Variants in TCEA1 observed in about 807,000 individuals in gnomAD.
TCEA1 encodes transcription elongation factor A protein 1.
TCEA1 carries 21 observed loss-of-function variants against 43.8 expected under a neutral mutation model. That is an observed-to-expected ratio of 0.48 (90% CI 0.34 to 0.69). The LOEUF (loss-of-function observed/expected upper bound fraction) is 0.69. TCEA1 is among the 30% of genes least tolerant of loss of function. The pLI is 0.01. For synonymous variants in TCEA1, 104 were observed against 117.5 expected, an observed-to-expected ratio of 0.88 and a Z score of 0.75; for missense variants, 250 against 365.1, an observed-to-expected ratio of 0.68 and a Z score of 2.57.
chr8:53,985,947 G>C (rs1415433501), intron 6 of TCEA1, among the ~76,000 whole-genome samples: 1 of 152,100 alleles, frequency 6.6e-6, no homozygotes, highest in Non-Finnish European at 1.5e-5. Flanking sequence ...CATCAATACT[G>C]TACTTTCCTT....
At chr8:53,973,590 G>A in intron 8 of TCEA1, 1 of 562,342 alleles carries the variant, frequency 1.8e-6, no homozygotes, top group South Asian at 1.5e-5. Flanking sequence ...CTTACTGGAT[G>A]AGGAGGAGGA....
At chr8:54,010,549 C>A in intron 1 of TCEA1, 57 bp from the exon 2 acceptor site, 1 of 1,394,760 alleles carries the variant, frequency 7.2e-7, no homozygotes, top group South Asian at 1.3e-5. Flanking sequence ...AGGGACTAGC[C>A]AGAAATAAGG....
At chr8:53,972,653 A>C in intron 8 of TCEA1, 1 of 617,592 alleles carries the variant, frequency 1.6e-6, no homozygotes, top group Non-Finnish European at 3.1e-6. Flanking sequence ...AGGAAGAGCA[A>C]GTTTGAGGAT....
At chr8:54,018,497 G>T (rs564201189) in intron 1 of TCEA1, among the ~76,000 whole-genome samples, 1 of 152,212 alleles carries the variant, frequency 6.6e-6, no homozygotes, top group South Asian at 2.1e-4. Flanking sequence ...ACCATGACGA[G>T]AAACATTTTA....
chr8:53,975,843 A>G (rs1015676632), intron 8 of TCEA1, among the ~76,000 whole-genome samples: 1 of 152,200 alleles, frequency 6.6e-6, no homozygotes, highest in Non-Finnish European at 1.5e-5. Context: ...ACTACTGAAC[A>G]GTACACTTAA....
intron 4 of TCEA1, among the ~76,000 whole-genome samples, chr8:53,991,319 G>GAAGGTGGA (rs1351579629): frequency 6.6e-6 from 1 of 151,952 alleles, no homozygotes; most frequent in Admixed American, 6.6e-5. Context: ...CTTGAACCTG[G>GAAGGTGGA]GGGACAGAGG....
intron 4 of TCEA1, among the ~76,000 whole-genome samples, chr8:53,990,309 C>T (rs772476817): frequency 1.7e-4 from 26 of 151,328 alleles, no homozygotes; most frequent in African/African-American, 3.6e-4. Flanking sequence ...TCCGCCTCGG[C>T]GTCCTAAAGT....
chr8:54,021,255 G>C (rs1805017369), intron 1 of TCEA1, among the ~76,000 whole-genome samples: 1 of 152,086 alleles, frequency 6.6e-6, no homozygotes, highest in Non-Finnish European at 1.5e-5. Flanking sequence ...CACACAAATG[G>C]GCAAGCTGTA....
At position 53,988,171 on chromosome 8, in the gene TCEA1, A is replaced by T. The variant is rs780873013; in HGVS notation, c.409T>A (p.Ser137Thr). The change falls in exon 5 of 10, where the codon TCT (serine) becomes ACT (threonine). Residue 137 changes from serine to threonine, a missense_variant. By Grantham distance (58) the Ser-to-Thr change is moderately conservative. Transcript: ENST00000521604. ...CTACACTTCAACCGCACAGAATCAG[A>T]AGTGCTTGGTGCCCGAGGAAAGGAT... ...VSSFPRAPST[S>T]DSVRLKCREM... 5 of 1,613,032 alleles carry T rather than the reference A, an allele frequency of 3.1e-6. No homozygotes were observed. Among genetic ancestry groups the T allele is most frequent in the Non-Finnish European group, 4.2e-6 (5 of 1,179,538 alleles).
At chr8:53,970,563 G>T in intron 8 of TCEA1, 100 bp from the exon 9 acceptor site, 1 of 612,168 alleles carries the variant, frequency 1.6e-6, no homozygotes, top group Non-Finnish European at 2.8e-6. Flanking sequence ...AAATATAATG[G>T]TACCACAATA....
rs11389541 is a variant in TCEA1 at position 54,002,573 on chromosome 8, G to GAA, written c.127-2525_127-2524dup. On this transcript the variant is annotated intron_variant, in intron 2 of 9. Transcript: ENST00000521604. Reference sequence around the variant, plus strand: ...CCTTTGGGGGTACCATGGAAAAAATGAAAAAAAAAAAAAGTAGAGGAAAAG... The same window carrying GAA: ...CCTTTGGGGGTACCATGGAAAAAATGAAAAAAAAAAAAAAAGTAGAGGAAAAG... Among the ~76,000 whole-genome samples the GAA allele has an allele frequency of 5.5e-4, 76 of 137,084 alleles. No homozygotes were observed. The East Asian group carries it at 6.2e-3, about 11-fold the overall frequency. 89.9% of individuals were successfully genotyped at this position (137,084 alleles called of 152,430 possible).
chr8:53,988,403 T>C (rs1472482990), intron 4 of TCEA1, 144 bp from the exon 5 acceptor site: 2 of 981,552 alleles, frequency 2.0e-6, no homozygotes, highest in Non-Finnish European at 2.8e-6. Flanking sequence ...GGAAAAAAAA[T>C]TGCCTGCATA....
chr8:53,994,078 G>A (rs1803968429), intron 3 of TCEA1, among the ~76,000 whole-genome samples: 1 of 152,234 alleles, frequency 6.6e-6, no homozygotes, highest in Admixed American at 6.5e-5. Context: ...ACAGGCCGGT[G>A]CAGTGGCTCA....
At chr8:53,991,524 G>A (rs543726342) in intron 4 of TCEA1, among the ~76,000 whole-genome samples, 5 of 151,760 alleles carry the variant, frequency 3.3e-5, no homozygotes, top group African/African-American at 7.3e-5. Flanking sequence ...GAGAAACCCC[G>A]TCTCCACTAA....
chr8:53,972,518 CA>C, intron 8 of TCEA1: 1 of 539,652 alleles, frequency 1.9e-6, no homozygotes. Context: ...TAGCAGTTTG[CA>C]ACATGGACTG....
In TCEA1 at chr8:54,022,232, C is replaced by G; in HGVS notation, c.-107G>C. 1 of 1,303,026 alleles carries G rather than the reference C, an allele frequency of 7.7e-7. No individual in the cohort carries two copies. Among genetic ancestry groups the G allele is most frequent in the South Asian group, 1.2e-5 (1 of 81,522 alleles). The allele number at this position is 1,303,026 out of a possible 1,614,324, so 80.7% of individuals were successfully genotyped here. A position where few individuals can be genotyped will look rare whatever the true frequency, so the allele number is the denominator to read the frequency against. On this transcript the variant is annotated 5_prime_UTR_variant, in exon 1 of 10. Coordinates refer to ENST00000521604, the MANE Select transcript of TCEA1 (RefSeq NM_006756.4). ...ACCCCCGGCGCGCAGCAACCCCCAC[C>G]ACCGCAGGCCCGGGCCTAGGCCCCC...
In TCEA1 at chr8:53,966,557, ATGT is replaced by A. The variant is rs1446806116; in HGVS notation, c.*1544_*1546del. ...TAAATAAAATGACAAAATGTGATAT[ATGT>A]TTAACAACAAAAAAAACTTTATTGA... On this transcript the variant is annotated 3_prime_UTR_variant, in exon 10 of 10. Coordinates refer to ENST00000521604, the MANE Select transcript of TCEA1 (RefSeq NM_006756.4). 5.7e-6 allele frequency: 1 copy of A among 176,548 alleles called. No homozygotes were observed. The highest frequency in any genetic ancestry group is 2.4e-5 in the African/African-American group (1 of 42,234). 10.9% of individuals were successfully genotyped at this position (176,548 alleles called of 1,614,324 possible). A position where few individuals can be genotyped will look rare whatever the true frequency, so the allele number is the denominator to read the frequency against.
intron 8 of TCEA1, chr8:53,971,871 TAGATA>T (rs1200030825): frequency 2.0e-5 from 4 of 204,458 alleles, no homozygotes; most frequent in African/African-American, 7.2e-5. Flanking sequence ...AAAACTGATA[TAGATA>T]ATTCTGAGAG....
chr8:54,000,625 A>C (rs987307680), intron 2 of TCEA1, among the ~76,000 whole-genome samples: 1 of 152,218 alleles, frequency 6.6e-6, no homozygotes, highest in African/African-American at 2.4e-5. Flanking sequence ...TTATGCTTAG[A>C]GCATCCACAT....
Sources: allele counts gnomAD v4.1 joint callset (sites outside exome capture counted in the v4.1 genomes callset), GRCh38; gene constraint gnomAD v4.1.1; transcripts MANE v1.5; gene names NCBI Gene and HGNC (gene_info 2026-07-23, HGNC 2026-07-21).